The following C1QTNF9 variants were observed in gnomAD, a reference collection of about 807,000 sequenced individuals.
The protein encoded by C1QTNF9 is C1q and TNF related 9.
Under a neutral mutation model 10.1 loss-of-function variants are expected in C1QTNF9, and 6 were observed. The ratio of observed to expected loss-of-function variants is 0.59; its 90% confidence interval spans 0.32 to 1.17. The LOEUF (loss-of-function observed/expected upper bound fraction) is 1.17. Among genes scored for constraint, C1QTNF9 ranks in the 50% most tolerant of loss-of-function variants. The pLI is 0.04. For synonymous variants in C1QTNF9, 98 were observed against 163.5 expected, an observed-to-expected ratio of 0.60 and a Z score of 3.06; for missense variants, 201 against 418.8, an observed-to-expected ratio of 0.48 and a Z score of 4.54.
At chr13:24,317,347 A>T (rs1410180956) in intron 2 of C1QTNF9, among the ~76,000 whole-genome samples, 3 of 152,156 alleles carry the variant, frequency 2.0e-5, no homozygotes, top group African/African-American at 7.2e-5. Context: ...ACAAAAGGAG[A>T]TAAATAGGTG....
At chr13:24,312,758 C>G (rs1031104173) in intron 1 of C1QTNF9, among the ~76,000 whole-genome samples, 1 of 151,720 alleles carries the variant, frequency 6.6e-6, no homozygotes, top group Admixed American at 6.6e-5. Flanking sequence ...AAATCGAGAC[C>G]ATCCTGGCTA....
chr13:24,321,621 C>A, exon 4 of C1QTNF9: 1 of 1,614,184 alleles, frequency 6.2e-7, no homozygotes, highest in Non-Finnish European at 8.5e-7. Flanking sequence ...GCTCTGAGGA[C>A]CAGGCCTCTG....
At chr13:24,307,796 A>G (rs770577885), upstream of C1QTNF9, among the ~76,000 whole-genome samples, 17 of 152,220 alleles carry the variant, frequency 1.1e-4, no homozygotes, top group South Asian at 2.1e-4. Flanking sequence ...GTTAGGTCAT[A>G]AGCGCGCCCC....
At chr13:24,309,795 C>T (rs769714113) in intron 1 of C1QTNF9, among the ~76,000 whole-genome samples, 179 bp downstream of exon 1, 2 of 152,068 alleles carry the variant, frequency 1.3e-5, no homozygotes, top group Non-Finnish European at 2.9e-5. Flanking sequence ...GAGGAAGAGG[C>T]TAAAGAGGAG....
chr13:24,311,658 G>A (rs575107217), intron 1 of C1QTNF9, among the ~76,000 whole-genome samples: 40 of 152,328 alleles, frequency 2.6e-4, no homozygotes, highest in South Asian at 1.0e-3. Context: ...CTTGGGCAGC[G>A]CATGCCTTGA....
chr13:24,312,757 C>A (rs903019911), intron 1 of C1QTNF9, among the ~76,000 whole-genome samples: 10 of 151,840 alleles, frequency 6.6e-5, no homozygotes, highest in Non-Finnish European at 1.3e-4. Flanking sequence ...GAAATCGAGA[C>A]CATCCTGGCT....
chr13:24,308,646 C>CCCTGCTCTGTGCGTGGGCT (rs1450677059), upstream of C1QTNF9, among the ~76,000 whole-genome samples: 2 of 151,046 alleles, frequency 1.3e-5, no homozygotes, highest in African/African-American at 2.4e-5. Context: ...CGGCCTCTGC[C>CCCTGCTCTGTGCGTGGGCT]CCTGCTCTGT....
At chr13:24,316,639 C>T (rs371734353) in intron 2 of C1QTNF9, among the ~76,000 whole-genome samples, 10 of 152,178 alleles carry the variant, frequency 6.6e-5, no homozygotes, top group Non-Finnish European at 1.5e-4. Context: ...GCAGGAGATG[C>T]GGAGTGACAG....
chr13:24,320,788 C>G (rs911947224), intron 3 of C1QTNF9, among the ~76,000 whole-genome samples: 1 of 151,476 alleles, frequency 6.6e-6, no homozygotes, highest in Non-Finnish European at 1.5e-5. Flanking sequence ...TGGCCTCAGG[C>G]AGTCCTCCTG....
At chr13:24,311,391 G>A (rs1166947096) in intron 1 of C1QTNF9, among the ~76,000 whole-genome samples, 2 of 152,254 alleles carry the variant, frequency 1.3e-5, no homozygotes, top group Non-Finnish European at 2.9e-5. Context: ...TGCAGTCTGT[G>A]TCCCTTTGCC....
At chr13:24,316,407 A>G (rs920159369) in intron 2 of C1QTNF9, among the ~76,000 whole-genome samples, 5 of 152,044 alleles carry the variant, frequency 3.3e-5, no homozygotes, top group Non-Finnish European at 5.9e-5. Flanking sequence ...TGGAGAGCAC[A>G]GGGCAAGATC....
At chr13:24,307,465 T>A (rs1877642506), upstream of C1QTNF9, among the ~76,000 whole-genome samples, 1 of 152,154 alleles carries the variant, frequency 6.6e-6, no homozygotes, top group African/African-American at 2.4e-5. Flanking sequence ...TGCGGGTGGG[T>A]AGATTAGAAT....
Position 24,316,317 on chromosome 13 carries a change from G to A in C1QTNF9, c.166+148G>A. 1.5e-5 allele frequency: 17 copies of A among 1,167,690 alleles called. 1 individual carries two copies. The South Asian group carries it at 2.6e-4, about 18-fold the overall frequency. 72.3% of individuals were successfully genotyped at this position (1,167,690 alleles called of 1,614,324 possible). On this transcript the variant is annotated intron_variant, in intron 2 of 3. Transcript: ENST00000332018. ...AACCCAGCAACACTCACTGGAGCCTGACCCCATTCATCCATCCACCCATCT... is the reference window on the plus strand; with the variant it reads ...AACCCAGCAACACTCACTGGAGCCTAACCCCATTCATCCATCCACCCATCT...
At chr13:24,318,506 C>CAATT (rs3979309) in intron 2 of C1QTNF9, among the ~76,000 whole-genome samples, 10,834 of 144,748 alleles carry the variant, frequency 0.075, 552 homozygotes, top group East Asian at 0.2. Context: ...GGAACACAAT[C>CAATT]GTGACAGTCA....
chr13:24,318,727 C>T, intron 2 of C1QTNF9, 91 bp from the exon 3 acceptor site: 1 of 1,580,526 alleles, frequency 6.3e-7, no homozygotes, highest in Non-Finnish European at 8.7e-7. Flanking sequence ...CACCCCCAGA[C>T]TCTCCAACAC....
intron 1 of C1QTNF9, among the ~76,000 whole-genome samples, chr13:24,310,976 C>T (rs1480022892): frequency 1.3e-5 from 2 of 150,698 alleles, no homozygotes; most frequent in Admixed American, 6.6e-5. Context: ...ATAGAGAGTG[C>T]ATGGAAGACA....
chr13:24,316,076 C>T lies in C1QTNF9; in HGVS notation c.73C>T (p.Gln25Ter), dbSNP rs1878014162. The change falls in exon 2 of 4, where the codon CAA becomes TAA. Residue 25 changes from glutamine (Q) to a stop codon, truncating the protein, a stop_gained. Coordinates refer to ENST00000332018, the Ensembl canonical transcript of C1QTNF9. LOFTEE classifies it high-confidence loss of function. Reference sequence around the variant, plus strand: ...CATAAACTCACAGGACACCTGCAGGCAAGGGCACCCTGGAATCCCTGGGAA... The same window carrying T: ...CATAAACTCACAGGACACCTGCAGGTAAGGGCACCCTGGAATCCCTGGGAA... The T allele has an allele frequency of 1.5e-5, 24 of 1,613,550 alleles. No individual in the cohort carries two copies. Among genetic ancestry groups the T allele is most frequent in the Non-Finnish European group, 2.0e-5 (24 of 1,179,822 alleles).
At chr13:24,308,631 A>G (rs1403666945), upstream of C1QTNF9, among the ~76,000 whole-genome samples, 1 of 152,130 alleles carries the variant, frequency 6.6e-6, no homozygotes, top group African/African-American at 2.4e-5. Flanking sequence ...ACCCACCCGT[A>G]CACTCGGCCT....
chr13:24,312,845 C>T (rs1451142202), intron 1 of C1QTNF9, among the ~76,000 whole-genome samples: 2 of 151,440 alleles, frequency 1.3e-5, no homozygotes, highest in African/African-American at 4.9e-5. Context: ...GTCCCAGCTA[C>T]TCGGGAGGCT....
Sources: gnomAD v4.1 joint callset for allele counts (sites outside exome capture counted in the v4.1 genomes callset) on GRCh38, gnomAD v4.1.1 for gene constraint, MANE v1.5 for transcripts, NCBI Gene and HGNC (gene_info 2026-07-23, HGNC 2026-07-21) for gene names.